The following SATL1 variants were observed in gnomAD, a reference collection of about 807,000 sequenced individuals.
The protein encoded by SATL1 is spermidine/spermine N(1)-acetyltransferase-like protein 1.
A neutral mutation model predicts 51.8 loss-of-function variants in SATL1; 47 were observed. The observed-to-expected ratio is 0.91, with a 90% CI of 0.72 to 1.16. SATL1 has a LOEUF of 1.16. Ranked by LOEUF, SATL1 falls within the 50% of genes most tolerant of loss-of-function variation. The probability of loss-of-function intolerance (pLI) is 0.00; values close to 1 mark genes in which losing one functional copy is unlikely to be tolerated. For synonymous variants in SATL1, 176 were observed against 182.4 expected (o/e 0.97, Z 0.28); for missense variants, 520 against 526.4 (o/e 0.99, Z 0.12).
intron 2 of SATL1, among the ~76,000 whole-genome samples, chrX:85,122,650 C>A (rs966615627): frequency 9.0e-5 from 10 of 111,686 alleles, no homozygotes; most frequent in African/African-American, 3.2e-4. Flanking sequence ...ATAAACTTTT[C>A]TTTTTCCTTA....
chrX:85,159,304 C>A lies in SATL1; in HGVS notation c.-312-50024G>T, dbSNP rs1926661826. ...GAGTTATATACAACAGGGGTCCCCA[C>A]CCTCCTGGCCATGGACCCATACTGA... On this transcript the variant is annotated intron_variant, in intron 2 of 7. Transcript: ENST00000644105. Among the ~76,000 whole-genome samples the A allele has an allele frequency of 2.7e-5, 3 of 111,878 alleles. No homozygotes were observed. In the South Asian group the frequency reaches 1.1e-3, roughly 42 times the overall value.
At chrX:85,104,917 C>G (rs1448492280) in intron 3 of SATL1, among the ~76,000 whole-genome samples, 1 of 111,404 alleles carries the variant, frequency 9.0e-6, no homozygotes, top group African/African-American at 3.3e-5. Context: ...TCTACAGATG[C>G]AGAAGCCATG....
At chrX:85,176,957 A>C (rs1689321341) in intron 2 of SATL1, among the ~76,000 whole-genome samples, 1 of 111,774 alleles carries the variant, frequency 8.9e-6, no homozygotes, top group Non-Finnish European at 1.9e-5. Flanking sequence ...AATAAGATGC[A>C]CTATGAAGGG....
At chrX:85,147,585 A>T (rs1926291699) in intron 2 of SATL1, among the ~76,000 whole-genome samples, 1 of 112,025 alleles carries the variant, frequency 8.9e-6, no homozygotes, top group South Asian at 3.7e-4. Flanking sequence ...GTAGGGGCAG[A>T]CTGACACCTC....
At chrX:85,149,359 A>C (rs1350671590) in intron 2 of SATL1, among the ~76,000 whole-genome samples, 5 of 111,412 alleles carry the variant, frequency 4.5e-5, no homozygotes, top group Non-Finnish European at 9.4e-5. Context: ...CCCATACAAT[A>C]ATAATGGGAG....
intron 4 of SATL1, 110 bp downstream of exon 4, chrX:85,103,754 C>T: frequency 2.0e-6 from 1 of 493,953 alleles, no homozygotes; most frequent in African/African-American, 2.4e-5. Context: ...ATGTCCTGCA[C>T]ATGTTAGTAA....
Position 85,118,087 on chromosome X carries a change from C to CTTTT in SATL1, c.-312-8811_-312-8808dup, listed in dbSNP as rs747093188. Among the ~76,000 whole-genome samples, 24 of 46,174 alleles carry CTTTT rather than the reference C, an allele frequency of 5.2e-4. 4 individuals are homozygous for CTTTT. Among genetic ancestry groups the CTTTT allele is most frequent in the Non-Finnish European group, 8.2e-4 (17 of 20,847 alleles). 40.1% of individuals were successfully genotyped at this position (46,174 alleles called of 115,157 possible). ...TTTTGCAAATAAAAAAAGAACTTAGCTTTTTTTTTTTTTTTTCCAGAGTGC... is the reference window on the plus strand; with the variant it reads ...TTTTGCAAATAAAAAAAGAACTTAGCTTTTTTTTTTTTTTTTTTTTCCAGAGTGC... On this transcript the variant is annotated intron_variant, in intron 2 of 7. Coordinates refer to ENST00000644105, the MANE Select transcript of SATL1 (RefSeq NM_001367857.2).
intron 2 of SATL1, among the ~76,000 whole-genome samples, chrX:85,199,562 G>A (rs1927647606): frequency 1.8e-5 from 2 of 111,790 alleles, no homozygotes; most frequent in Admixed American, 9.5e-5. Context: ...AAGCAAGTGT[G>A]GTACCTATAC....
intron 2 of SATL1, among the ~76,000 whole-genome samples, chrX:85,113,550 C>G (rs993242421): frequency 1.8e-5 from 2 of 111,604 alleles, no homozygotes; most frequent in African/African-American, 6.5e-5. Context: ...TCAGAAACAA[C>G]TGATGAGTCT....
intron 2 of SATL1, among the ~76,000 whole-genome samples, chrX:85,137,210 T>C (rs1237316049): frequency 6.3e-5 from 7 of 111,482 alleles, no homozygotes; most frequent in African/African-American, 2.3e-4. Context: ...AGTTGGGGGC[T>C]GAATGGTAAG....
rs375998718 is a variant in SATL1, at chrX:85,119,740, C to T, written c.-312-10460G>A. On this transcript the variant is annotated intron_variant, in intron 2 of 7. Transcript: ENST00000644105. ...AGCCTACTTTTTATGTTAAAAAAAT[C>T]TGGTTTTACTTTAGCTCCTCAAATA... is the stretch of plus-strand genomic sequence containing the variant. 1.2e-4 allele frequency among the ~76,000 whole-genome samples: 13 copies of T among 110,851 alleles called. No individual in the cohort carries two copies. The East Asian group carries it at 2.3e-3, about 19-fold the overall frequency.
intron 2 of SATL1, among the ~76,000 whole-genome samples, chrX:85,198,625 A>C (rs932535826): frequency 2.7e-5 from 3 of 111,143 alleles, no homozygotes; most frequent in African/African-American, 9.8e-5. Flanking sequence ...TTGTGGGTAC[A>C]TAATAGGTAT....
At chrX:85,185,109 G>C (rs1397285331) in intron 2 of SATL1, among the ~76,000 whole-genome samples, 1 of 111,962 alleles carries the variant, frequency 8.9e-6, no homozygotes, top group Non-Finnish European at 1.9e-5. Flanking sequence ...CCACCTTGTT[G>C]GTCTTGGGTA....
chrX:85,197,185 A>G (rs1025724725), intron 2 of SATL1, among the ~76,000 whole-genome samples: 3 of 112,038 alleles, frequency 2.7e-5, no homozygotes, highest in African/African-American at 9.7e-5. Context: ...GGCAAAGTAT[A>G]CGAATAGACA....
rs1190332612 is a variant in SATL1, at chrX:85,226,452, T to G, written c.-434-2126A>C. Among the ~76,000 whole-genome samples the G allele has an allele frequency of 3.6e-5, 4 of 111,477 alleles. No homozygotes were observed. In the East Asian group the frequency reaches 1.1e-3, roughly 31 times the overall value. ...TTTGAATTTCAAGTCATTCAGTCAT[T>G]TAGTTGTTCATTCATAAAGCAATCA... On this transcript the variant is annotated intron_variant, in intron 1 of 7. Coordinates refer to ENST00000644105, the MANE Select transcript of SATL1 (RefSeq NM_001367857.2).
At chrX:85,121,365 GTATATAAA>G (rs1304512476) in intron 2 of SATL1, among the ~76,000 whole-genome samples, 1 of 103,118 alleles carries the variant, frequency 9.7e-6, no homozygotes, top group Non-Finnish European at 2.0e-5. Context: ...ATATATGTAT[GTATATAAA>G]TATATAAATA....
chrX:85,165,940 T>C (rs891462974), intron 2 of SATL1, among the ~76,000 whole-genome samples: 21 of 111,420 alleles, frequency 1.9e-4, no homozygotes, highest in Admixed American at 5.8e-4. Flanking sequence ...AGTAGATCAA[T>C]GGAACAGAAT....
At chrX:85,213,462 T>A (rs924148297) in intron 2 of SATL1, among the ~76,000 whole-genome samples, 2 of 112,166 alleles carry the variant, frequency 1.8e-5, no homozygotes, top group Admixed American at 1.9e-4. Flanking sequence ...TCTTTATGAA[T>A]TTTCTTGATA....
At chrX:85,095,553 G>A (rs1233030837) in intron 4 of SATL1, among the ~76,000 whole-genome samples, 4 of 106,930 alleles carry the variant, frequency 3.7e-5, no homozygotes, top group Non-Finnish European at 7.7e-5. Flanking sequence ...GAGGCCGGGC[G>A]CGGTGGCTCA....
Sources: gnomAD v4.1 joint callset for allele counts (sites outside exome capture counted in the v4.1 genomes callset) on GRCh38, gnomAD v4.1.1 for gene constraint, MANE v1.5 for transcripts, NCBI Gene and HGNC (gene_info 2026-07-23, HGNC 2026-07-21) for gene names.